Variants in KLHL24 observed in about 807,000 individuals in gnomAD.
KLHL24 encodes the protein kelch-like protein 24.
Under a neutral mutation model 53.4 loss-of-function variants are expected in KLHL24, and 29 were observed. The observed-to-expected ratio is 0.54, with a 90% CI of 0.40 to 0.74. The LOEUF (loss-of-function observed/expected upper bound fraction) is 0.74, where lower values mean the gene tolerates loss of function less well. KLHL24 is among the 30% of genes least tolerant of loss of function. KLHL24 has a pLI of 0.00. For synonymous variants in KLHL24, 222 were observed against 253.7 expected (o/e 0.88, Z 1.19); for missense variants, 504 against 744.0 (o/e 0.68, Z 3.75).
Position 183,645,423 on chromosome 3 carries a change from A to G in KLHL24, c.-62+1881A>G, listed in dbSNP as rs555510122. On this transcript the variant is annotated intron_variant, in intron 2 of 7. Transcript: ENST00000242810. ...GAGCCTGGAATTTGGAAGTCATTCT[A>G]TGCATTGTAAATGGAGTTGTAAATG... Among the ~76,000 whole-genome samples, 14 of 152,338 alleles carry G rather than the reference A, an allele frequency of 9.2e-5. No individual in the cohort carries two copies. The South Asian group carries it at 1.2e-3, about 14-fold the overall frequency.
intron 1 of KLHL24, among the ~76,000 whole-genome samples, chr3:183,642,580 C>A (rs1358203179): frequency 2.3e-5 from 3 of 130,716 alleles, no homozygotes; most frequent in Non-Finnish European, 3.1e-5. Flanking sequence ...TTCTCTTAAG[C>A]ATTCCTCTTC....
chr3:183,679,243 G>C lies in KLHL24; in HGVS notation c.1760G>C (p.Cys587Ser). The change falls in exon 8 of 8, where the codon TGT becomes TCT. Residue 587 changes from cysteine to serine, a missense_variant. Cys to Ser is a moderately radical substitution (Grantham distance 112). Transcript: ENST00000242810. ...CCCAGGCCAGTGTCCTATCATGGCT[G>C]TGTGACTATTCATAGATACAATGAG... ...AMPRPVSYHG[C>S]VTIHRYNEKC... is the part of the protein sequence containing the mutation. The C allele has an allele frequency of 1.9e-6, 3 of 1,614,084 alleles. No homozygotes were observed. The highest frequency in any genetic ancestry group is 2.5e-6 in the Non-Finnish European group (3 of 1,179,962).
Position 183,650,542 on chromosome 3 carries a change from C to A in KLHL24, c.186C>A (p.Ser62Arg). 1 of 1,614,086 alleles carries A rather than the reference C, an allele frequency of 6.2e-7. No homozygotes were observed. The highest frequency in any genetic ancestry group is 8.5e-7 in the Non-Finnish European group (1 of 1,179,966). ...ILQIFNEFRD[S>R]RLFTDVIICV... Reference sequence around the variant, plus strand: ...AGATATTTAATGAATTTCGTGATAGCCGCTTATTCACAGATGTTATCATTT... The same window carrying A: ...AGATATTTAATGAATTTCGTGATAGACGCTTATTCACAGATGTTATCATTT... Residue 62 changes from serine to arginine, a missense_variant, in exon 3 of 8, where the codon AGC becomes AGA. Coordinates refer to ENST00000242810, the MANE Select transcript of KLHL24 (RefSeq NM_017644.3). The surrounding 1 kb of genome is among the most constrained non-coding windows in gnomAD (Gnocchi z 4.5).
chr3:183,664,346 T>C (rs1720227831), intron 4 of KLHL24, among the ~76,000 whole-genome samples: 1 of 152,256 alleles, frequency 6.6e-6, no homozygotes, highest in Non-Finnish European at 1.5e-5. Flanking sequence ...AGATTTGCTT[T>C]AAAATTCTTA....
intron 3 of KLHL24, among the ~76,000 whole-genome samples, chr3:183,658,391 T>C (rs1719219248): frequency 6.6e-6 from 1 of 152,146 alleles, no homozygotes; most frequent in Non-Finnish European, 1.5e-5. Context: ...TATAGAACAT[T>C]TCAAACTTGT....
chr3:183,654,885 G>A (rs9283652), intron 3 of KLHL24, among the ~76,000 whole-genome samples: 50,904 of 152,044 alleles, frequency 0.33, 9,374 homozygotes, highest in African/African-American at 0.49. Context: ...ATGAATATAA[G>A]TTAAATATTT....
intron 5 of KLHL24, among the ~76,000 whole-genome samples, chr3:183,666,467 G>T (rs1270360892): frequency 2.6e-5 from 4 of 152,064 alleles, no homozygotes; most frequent in Non-Finnish European, 1.5e-5. Flanking sequence ...TCTCCACATT[G>T]CCCAGGCTGG....
chr3:183,656,241 C>T (rs921661441), intron 3 of KLHL24, among the ~76,000 whole-genome samples: 1 of 151,956 alleles, frequency 6.6e-6, no homozygotes, highest in Non-Finnish European at 1.5e-5. Context: ...GTTGCTCAGG[C>T]TTGTCCTGAA....
At chr3:183,666,907 C>G (rs1217254768) in intron 5 of KLHL24, among the ~76,000 whole-genome samples, 1 of 152,148 alleles carries the variant, frequency 6.6e-6, no homozygotes, top group African/African-American at 2.4e-5. Context: ...TAATGAACAA[C>G]TAAAAGCAGC....
chr3:183,645,314 G>A (rs1385033726), intron 2 of KLHL24, among the ~76,000 whole-genome samples: 1 of 152,096 alleles, frequency 6.6e-6, no homozygotes, highest in African/African-American at 2.4e-5. Context: ...TGATATGGGG[G>A]ATACATTTCT....
chr3:183,651,565 G>A (rs914005839), intron 3 of KLHL24, among the ~76,000 whole-genome samples: 3 of 152,110 alleles, frequency 2.0e-5, no homozygotes, highest in African/African-American at 7.2e-5. Context: ...AACCTTTGTA[G>A]GGCCCCAAAC....
At chr3:183,676,711 T>G (rs1711946142) in intron 7 of KLHL24, among the ~76,000 whole-genome samples, 1 of 152,166 alleles carries the variant, frequency 6.6e-6, no homozygotes, top group Non-Finnish European at 1.5e-5. Flanking sequence ...CTTTTTAACC[T>G]GTGTCAGGAA....
intron 1 of KLHL24, among the ~76,000 whole-genome samples, chr3:183,641,062 G>A (rs914979797): frequency 2.0e-5 from 3 of 152,086 alleles, no homozygotes; most frequent in African/African-American, 7.2e-5. Context: ...AATTTTGATA[G>A]TGCAAGTTTA....
intron 2 of KLHL24, among the ~76,000 whole-genome samples, chr3:183,644,837 T>C (rs1027965519): frequency 6.6e-6 from 1 of 152,250 alleles, no homozygotes; most frequent in African/African-American, 2.4e-5. Flanking sequence ...TTTCTACTTG[T>C]CCATTCTAGC....
chr3:183,661,430 T>C (rs958527851), intron 3 of KLHL24, among the ~76,000 whole-genome samples: 1 of 152,192 alleles, frequency 6.6e-6, no homozygotes, highest in Non-Finnish European at 1.5e-5. Flanking sequence ...CTGAGATAAG[T>C]ATTTCTCCAA....
intron 3 of KLHL24, among the ~76,000 whole-genome samples, chr3:183,655,696 G>A (rs1054014238): frequency 5.3e-5 from 8 of 152,106 alleles, no homozygotes; most frequent in South Asian, 2.1e-4. Flanking sequence ...AGGCCGAGGC[G>A]GGCAGATCAC....
Position 183,650,254 on chromosome 3 carries a change from A to G in KLHL24, c.-61-42A>G, listed in dbSNP as rs981944721. ...ATGAAATTATGTGATTTGAATACTG[A>G]ATTTTTTGCATATTGAAATGTTTTC... On this transcript the variant is annotated intron_variant, in intron 2 of 7. Transcript: ENST00000242810. This position sits in a 1 kb window ranked among gnomAD's most constrained non-coding sequence, Gnocchi z 4.5. 4 of 807,574 alleles carry G rather than the reference A, an allele frequency of 5.0e-6. No individual in the cohort carries two copies. The Admixed American group carries it at 8.8e-5, about 18-fold the overall frequency. 50.0% of individuals were successfully genotyped at this position (807,574 alleles called of 1,614,324 possible). A position where few individuals can be genotyped will look rare whatever the true frequency, so the allele number is the denominator to read the frequency against.
chr3:183,658,198 G>A lies in KLHL24; in HGVS notation c.921-5260G>A, dbSNP rs867619354. ...ATTGCACTCTAGCCTGGATGACAGA[G>A]CGAGACTCTGTCTCAAAAAAAAAAA... On this transcript the variant is annotated intron_variant, in intron 3 of 7. Transcript: ENST00000242810. Among the ~76,000 whole-genome samples, 15 of 142,028 alleles carry A rather than the reference G, an allele frequency of 1.1e-4. 1 individual carries two copies. The South Asian group carries it at 3.0e-3, about 28-fold the overall frequency. 93.2% of individuals were successfully genotyped at this position (142,028 alleles called of 152,430 possible). A position where few individuals can be genotyped will look rare whatever the true frequency, so the allele number is the denominator to read the frequency against.
chr3:183,679,150 G>C lies in KLHL24; in HGVS notation c.1667G>C (p.Gly556Ala). ...IYILGGRREN[G>A]EATDTILCYD... is the part of the protein sequence containing the mutation. ...ATCCTGGGCGGAAGACGGGAAAATG[G>C]AGAAGCCACAGACACTATTCTCTGT... Residue 556 changes from glycine (G) to alanine (A), a missense_variant, in exon 8 of 8, where the codon GGA becomes GCA. By Grantham distance (60) the Gly-to-Ala change is moderately conservative. Coordinates refer to ENST00000242810, the MANE Select transcript of KLHL24 (RefSeq NM_017644.3). 6.2e-7 allele frequency: 1 copy of C among 1,614,034 alleles called. No individual in the cohort carries two copies. Among genetic ancestry groups the C allele is most frequent in the Non-Finnish European group, 8.5e-7 (1 of 1,179,916 alleles).
Sources: allele counts gnomAD v4.1 joint callset (sites outside exome capture counted in the v4.1 genomes callset), GRCh38; gene constraint gnomAD v4.1.1; non-coding constraint Gnocchi (gnomAD v3.1); transcripts MANE v1.5; gene names NCBI Gene and HGNC (gene_info 2026-07-23, HGNC 2026-07-21).